Variants in SLC26A7 observed in about 807,000 individuals in gnomAD.
The protein encoded by SLC26A7 is anion exchange transporter.
A neutral mutation model predicts 82.5 loss-of-function variants in SLC26A7; 59 were observed. The ratio of observed to expected loss-of-function variants is 0.72; its 90% confidence interval spans 0.58 to 0.89. SLC26A7 has a LOEUF of 0.89. SLC26A7 is among the 40% of genes least tolerant of loss of function. SLC26A7 has a pLI of 0.00. For synonymous variants in SLC26A7, 271 were observed against 274.3 expected (o/e 0.99, Z 0.12); for missense variants, 820 against 793.0 (o/e 1.03, Z -0.41).
intron 9 of SLC26A7, among the ~76,000 whole-genome samples, chr8:91,351,215 G>A (rs774038539): frequency 6.6e-6 from 1 of 152,096 alleles, no homozygotes; most frequent in African/African-American, 2.4e-5. Context: ...TTGTCAGCAG[G>A]CTGGTTGGTT....
At chr8:91,322,165 A>G (rs952072651) in intron 5 of SLC26A7, among the ~76,000 whole-genome samples, 6 of 152,170 alleles carry the variant, frequency 3.9e-5, no homozygotes, top group African/African-American at 1.4e-4. Context: ...TGACTTTAGA[A>G]TGGCTTGAAA....
At position 91,376,837 on chromosome 8, in the gene SLC26A7, G is replaced by C. The variant is rs549801007; in HGVS notation, c.1675+7004G>C. Among the ~76,000 whole-genome samples the C allele has an allele frequency of 4.7e-4, 72 of 152,258 alleles. 1 individual carries two copies. The highest frequency in any genetic ancestry group is 4.3e-3 in the Admixed American group (66 of 15,288). ...GGAAGGGGCAGTGGGGCGAGCACCAGATTCTCAAGCTGAGCTGGCAGGAAT... is the reference window on the plus strand; with the variant it reads ...GGAAGGGGCAGTGGGGCGAGCACCACATTCTCAAGCTGAGCTGGCAGGAAT... On this transcript the variant is annotated intron_variant, in intron 15 of 18. Transcript: ENST00000276609.
At chr8:91,359,433 G>A (rs1277470748) in intron 11 of SLC26A7, among the ~76,000 whole-genome samples, 1 of 152,180 alleles carries the variant, frequency 6.6e-6, no homozygotes, top group Non-Finnish European at 1.5e-5. Flanking sequence ...ATTTGGACAT[G>A]TTAAGTTTCA....
rs1033199315 is a variant in SLC26A7, at chr8:91,396,831, T to G, written c.*1734T>G. On this transcript the variant is annotated 3_prime_UTR_variant, in exon 19 of 19. Coordinates refer to ENST00000276609, the MANE Select transcript of SLC26A7 (RefSeq NM_052832.4). ...ATTATTCCAATGGCGGATGGTAATATTCACCATCTCTAATTCATTGGTCAC... is the reference window on the plus strand; with the variant it reads ...ATTATTCCAATGGCGGATGGTAATAGTCACCATCTCTAATTCATTGGTCAC... 5 of 152,086 alleles carry G rather than the reference T, an allele frequency of 3.3e-5. No individual in the cohort carries two copies. The highest frequency in any genetic ancestry group is 1.2e-4 in the African/African-American group (5 of 41,458). The allele number at this position is 152,086 out of a possible 1,614,324, so 9.4% of individuals were successfully genotyped here.
intron 1 of SLC26A7, among the ~76,000 whole-genome samples, chr8:91,217,903 T>C (rs1810083249): frequency 6.6e-6 from 1 of 152,184 alleles, no homozygotes; most frequent in Non-Finnish European, 1.5e-5. Flanking sequence ...ATCCTCTAAG[T>C]GCTTCACAGC....
chr8:91,289,490 A>G (rs1231533860), intron 3 of SLC26A7, among the ~76,000 whole-genome samples: 1 of 152,192 alleles, frequency 6.6e-6, no homozygotes, highest in Non-Finnish European at 1.5e-5. Context: ...ATTCCACAAA[A>G]GAAGGGAGAT....
chr8:91,351,662 C>G, intron 9 of SLC26A7, 148 bp from the exon 10 acceptor site: 1 of 587,182 alleles, frequency 1.7e-6, no homozygotes, highest in Non-Finnish European at 3.0e-6. Context: ...TAGATAATGA[C>G]AGTCTAAGCA....
intron 8 of SLC26A7, among the ~76,000 whole-genome samples, chr8:91,341,161 C>T (rs1384229186): frequency 6.6e-6 from 1 of 151,946 alleles, no homozygotes; most frequent in Non-Finnish European, 1.5e-5. Context: ...CAACAGTCCC[C>T]AGAGTGTGAT....
At chr8:91,356,503 G>GT (rs1268878839) in intron 11 of SLC26A7, among the ~76,000 whole-genome samples, 4 of 152,126 alleles carry the variant, frequency 2.6e-5, no homozygotes, top group African/African-American at 9.7e-5. Context: ...TTTTTCATGT[G>GT]TTTTTTGGCT....
At chr8:91,252,164 T>C (rs1810676223) in intron 2 of SLC26A7, among the ~76,000 whole-genome samples, 1 of 152,112 alleles carries the variant, frequency 6.6e-6, no homozygotes, top group Non-Finnish European at 1.5e-5. Flanking sequence ...GTAGCAGCTT[T>C]TCAGTTACTC....
chr8:91,397,029 T>C lies in SLC26A7; in HGVS notation c.*1932T>C, dbSNP rs896361463. 2 of 152,104 alleles carry C rather than the reference T, an allele frequency of 1.3e-5. No homozygotes were observed. Among genetic ancestry groups the C allele is most frequent in the African/African-American group, 4.8e-5 (2 of 41,456 alleles). 9.4% of individuals were successfully genotyped at this position (152,104 alleles called of 1,614,324 possible). ...ATTAAAATCATAGTTAATTGATGGA[T>C]GGTTTTTATAGTTTGTTGATAAAGT... On this transcript the variant is annotated 3_prime_UTR_variant, in exon 19 of 19. Coordinates refer to ENST00000276609, the MANE Select transcript of SLC26A7 (RefSeq NM_052832.4).
At chr8:91,295,759 C>A in intron 4 of SLC26A7, 56 bp downstream of exon 4, 11 of 1,519,336 alleles carry the variant, frequency 7.2e-6, no homozygotes, top group Non-Finnish European at 9.8e-6. Context: ...ACAGGGAAGG[C>A]AGCTGGTGTT....
intron 11 of SLC26A7, among the ~76,000 whole-genome samples, chr8:91,362,145 T>TG (rs1448310969): frequency 6.6e-6 from 1 of 152,070 alleles, no homozygotes; most frequent in Non-Finnish European, 1.5e-5. Context: ...AAGAAGAAAC[T>TG]TTTTCCCACC....
At chr8:91,273,280 G>T (rs1475408186) in intron 2 of SLC26A7, among the ~76,000 whole-genome samples, 3 of 152,084 alleles carry the variant, frequency 2.0e-5, no homozygotes, top group Non-Finnish European at 4.4e-5. Context: ...ATCCATTTGG[G>T]TCTAGACCTT....
intron 15 of SLC26A7, among the ~76,000 whole-genome samples, chr8:91,374,127 T>C (rs1389629525): frequency 1.3e-5 from 2 of 152,076 alleles, no homozygotes; most frequent in East Asian, 1.9e-4. Flanking sequence ...TTTTTTCTTT[T>C]GGTTTATCTA....
chr8:91,249,735 T>A lies in SLC26A7; in HGVS notation c.84T>A (p.Cys28Ter). Residue 28 changes from cysteine to a stop codon, truncating the protein, a stop_gained, in exon 2 of 19, where the codon TGT (cysteine) becomes TGA (stop). Transcript: ENST00000276609. LOFTEE classifies it high-confidence loss of function. ...AGTGTGAAGACATTATACAGTGGTG[T>A]AGAAGGCGACTGCCCATTTTGGATT... ...TPQCEDIIQW[C>*]RRRLPILDWA... The A allele has an allele frequency of 6.2e-7, 1 of 1,612,630 alleles. No individual in the cohort carries two copies. Among genetic ancestry groups the A allele is most frequent in the Non-Finnish European group, 8.5e-7 (1 of 1,179,212 alleles).
chr8:91,242,324 A>G (rs2130686808), intron 2 of SLC26A7, among the ~76,000 whole-genome samples: 1 of 152,350 alleles, frequency 6.6e-6, no homozygotes, highest in Admixed American at 6.5e-5. Context: ...ATTGTTCTCA[A>G]ATAATGCCTA....
At chr8:91,214,918 C>A (rs1810012216) in intron 1 of SLC26A7, among the ~76,000 whole-genome samples, 2 of 151,896 alleles carry the variant, frequency 1.3e-5, no homozygotes, top group East Asian at 3.9e-4. Context: ...TGGGGGGAAC[C>A]ATTTTCTGGC....
intron 2 of SLC26A7, among the ~76,000 whole-genome samples, chr8:91,221,320 G>T (rs543080988): frequency 2.0e-5 from 3 of 152,140 alleles, no homozygotes; most frequent in African/African-American, 7.2e-5. Flanking sequence ...TCTGTTGGTT[G>T]CCTGTTCACT....
Sources: allele counts gnomAD v4.1 joint callset (sites outside exome capture counted in the v4.1 genomes callset), GRCh38; gene constraint gnomAD v4.1.1; transcripts MANE v1.5; gene names NCBI Gene and HGNC (gene_info 2026-07-23, HGNC 2026-07-21).